Variants in ACTN4 observed in about 807,000 individuals in gnomAD.
ACTN4 encodes the protein alpha-actinin-4.
Under a neutral mutation model 114.2 loss-of-function variants are expected in ACTN4, and 18 were observed. The ratio of observed to expected loss-of-function variants is 0.16; its 90% CI spans 0.11 to 0.23. The LOEUF (loss-of-function observed/expected upper bound fraction) is 0.23, where lower values mean the gene tolerates loss of function less well. Among genes scored for constraint, ACTN4 ranks in the 10% least tolerant of loss-of-function variants. The pLI, the probability that ACTN4 is intolerant of heterozygous loss-of-function variation, is 1.00. For missense variants in ACTN4, 722 were observed against 1,262.9 expected, an observed-to-expected ratio of 0.57 and a Z score of 6.49; for synonymous variants, 515 against 506.3, an observed-to-expected ratio of 1.02 and a Z score of -0.23.
intron 1 of ACTN4, among the ~76,000 whole-genome samples, chr19:38,665,662 C>G (rs2144863563): frequency 6.6e-6 from 1 of 152,242 alleles, no homozygotes; most frequent in East Asian, 1.9e-4. Context: ...TTAACGCAGC[C>G]CTCTCCCCAG....
chr19:38,729,247 C>G (rs1246805070), intron 20 of ACTN4, 27 bp from the exon 21 acceptor site: 2 of 1,612,298 alleles, frequency 1.2e-6, no homozygotes, highest in African/African-American at 2.7e-5. Context: ...GTGGGGATGG[C>G]TCAGAGTCCC....
At chr19:38,725,691 G>A (rs535525560) in intron 16 of ACTN4, 33 bp from the exon 17 acceptor site, 1 of 1,608,346 alleles carries the variant, frequency 6.2e-7, no homozygotes, top group African/African-American at 1.3e-5. Context: ...AGGCCCACCA[G>A]CCTCACCCCA....
Position 38,688,390 on chromosome 19 carries a change from C to CAAAAA in ACTN4, c.163-12193_163-12189dup, listed in dbSNP as rs35793948. Among the ~76,000 whole-genome samples the CAAAAA allele has an allele frequency of 1.3e-3, 109 of 81,064 alleles. No individual in the cohort carries two copies. In the East Asian group the frequency reaches 0.018, roughly 13 times the overall value. 53.2% of individuals were successfully genotyped at this position (81,064 alleles called of 152,430 possible). ...ATGGTGAATGAAACCTTGTCTCTACCAAAAAAAAAAAAAAAAAAAAACCCA... is the reference window on the plus strand; with the variant it reads ...ATGGTGAATGAAACCTTGTCTCTACCAAAAAAAAAAAAAAAAAAAAAAAAAACCCA... On this transcript the variant is annotated intron_variant, in intron 1 of 20. Coordinates refer to ENST00000252699, the MANE Select transcript of ACTN4 (RefSeq NM_004924.6).
intron 1 of ACTN4, among the ~76,000 whole-genome samples, chr19:38,687,524 G>C (rs2070671092): frequency 6.6e-6 from 1 of 152,144 alleles, no homozygotes. Context: ...CCATTCAATG[G>C]GGGAAAGAAT....
chr19:38,682,864 G>A (rs926976779), intron 1 of ACTN4, among the ~76,000 whole-genome samples: 12 of 152,264 alleles, frequency 7.9e-5, no homozygotes, highest in Middle Eastern at 3.4e-3. Flanking sequence ...AGCCTCAAAT[G>A]TCATCTCCAC....
intron 1 of ACTN4, among the ~76,000 whole-genome samples, chr19:38,696,639 G>A (rs1968103241): frequency 6.6e-6 from 1 of 152,238 alleles, no homozygotes; most frequent in African/African-American, 2.4e-5. Context: ...CCTTGTGAGT[G>A]CAGGCTCTCC....
At chr19:38,721,812 C>G (rs1213133159) in intron 12 of ACTN4, 124 bp downstream of exon 12, 1 of 1,389,024 alleles carries the variant, frequency 7.2e-7, no homozygotes, top group East Asian at 2.5e-5. Flanking sequence ...AGTGCCCCAA[C>G]TGCACCTCCT....
rs748540244 is a variant in ACTN4 at position 38,717,473 on chromosome 19, T to C, written c.1143+157T>C. On this transcript the variant is annotated intron_variant, in intron 10 of 20. Transcript: ENST00000252699. This position sits in a 1 kb window ranked among gnomAD's most constrained non-coding sequence, Gnocchi z 4.0. ...ATGCAGTGGTCGGGGAGGGGTGCACTTCACTCGGCATTGTGCTCCCCTTTG... is the reference window on the plus strand; with the variant it reads ...ATGCAGTGGTCGGGGAGGGGTGCACCTCACTCGGCATTGTGCTCCCCTTTG... Among the ~76,000 whole-genome samples, 3 of 152,152 alleles carry C rather than the reference T, an allele frequency of 2.0e-5. No homozygotes were observed. Among genetic ancestry groups the C allele is most frequent in the Non-Finnish European group, 4.4e-5 (3 of 68,016 alleles).
chr19:38,704,858 C>T (rs1968403193), intron 3 of ACTN4, 76 bp from the exon 4 acceptor site: 5 of 1,389,888 alleles, frequency 3.6e-6, no homozygotes, highest in Non-Finnish European at 4.1e-6. Flanking sequence ...GCTGGAAGGC[C>T]ACCTTCAGGT....
intron 1 of ACTN4, among the ~76,000 whole-genome samples, chr19:38,691,590 G>T (rs946356781): frequency 6.6e-6 from 1 of 151,576 alleles, no homozygotes; most frequent in Non-Finnish European, 1.5e-5. Context: ...TTTCTCATGA[G>T]GAGGAGACAG....
chr19:38,709,936 T>C (rs1273931284), intron 7 of ACTN4, among the ~76,000 whole-genome samples: 1 of 152,166 alleles, frequency 6.6e-6, no homozygotes. Flanking sequence ...ACTGCCCCAT[T>C]TCCTAGCCAT....
intron 1 of ACTN4, among the ~76,000 whole-genome samples, chr19:38,661,907 T>C (rs201561098): frequency 6.6e-6 from 1 of 152,120 alleles, no homozygotes; most frequent in East Asian, 1.9e-4. Context: ...CCGCCTCGGC[T>C]TCCCAAAGTG....
At chr19:38,705,163 T>C (rs912760856) in intron 4 of ACTN4, 143 bp downstream of exon 4, 1 of 806,354 alleles carries the variant, frequency 1.2e-6, no homozygotes, top group Non-Finnish European at 2.1e-6. Context: ...GGGTAGTCAG[T>C]GGGTGGCAGG....
chr19:38,706,385 G>A (rs1054585756), intron 5 of ACTN4, among the ~76,000 whole-genome samples: 1 of 152,132 alleles, frequency 6.6e-6, no homozygotes, highest in Non-Finnish European at 1.5e-5. Flanking sequence ...AACGTTCTTC[G>A]TCCCCAGGCA....
chr19:38,658,338 G>T (rs1431318284), intron 1 of ACTN4, among the ~76,000 whole-genome samples: 1 of 152,114 alleles, frequency 6.6e-6, no homozygotes, highest in African/African-American at 2.4e-5. Flanking sequence ...GACAAAATAT[G>T]CCTGTATCTT....
intron 1 of ACTN4, among the ~76,000 whole-genome samples, chr19:38,688,413 C>G (rs1320675551): frequency 1.0e-5 from 1 of 100,004 alleles, no homozygotes; most frequent in Non-Finnish European, 2.4e-5. Context: ...AAAAAAAAAC[C>G]CACAAAAATT....
At position 38,647,883 on chromosome 19, in the gene ACTN4, G is replaced by T; in HGVS notation, c.138G>T (p.Pro46=). 2.0e-6 allele frequency: 3 copies of T among 1,524,434 alleles called. No homozygotes were observed. The highest frequency in any genetic ancestry group is 1.2e-5 in the South Asian group (1 of 81,654). The allele number at this position is 1,524,434 out of a possible 1,614,324, so 94.4% of individuals were successfully genotyped here. ...GGGACCGGGACCTGCTGCTGGACCC[G>T]GCCTGGGAGAAGCAGCAGCGCAAGG... The part of the protein sequence containing the change: ...DDWDRDLLLD[P]AWEKQQRKTF... Residue 46 remains proline, a synonymous_variant, in exon 1 of 21, where the codon CCG becomes CCT. Transcript: ENST00000252699.
Position 38,708,134 on chromosome 19 carries a change from C to T in ACTN4, c.590C>T (p.Ala197Val). The T allele has an allele frequency of 1.9e-6, 3 of 1,614,188 alleles. No individual in the cohort carries two copies. The highest frequency in any genetic ancestry group is 3.3e-5 in the Admixed American group (2 of 60,022). Residue 197 changes from alanine to valine, a missense_variant, in exon 6 of 21, where the codon GCC becomes GTC. Transcript: ENST00000252699. ...TTCCCCAGCTGGAAGGATGGTCTTG[C>T]CTTCAATGCCCTGATCCACCGGCAC... ...NFHISWKDGLAFNALIHRHRP... is the reference protein window; with the variant it reads ...NFHISWKDGLVFNALIHRHRP...
At chr19:38,660,680 G>A (rs1976858772) in intron 1 of ACTN4, among the ~76,000 whole-genome samples, 1 of 152,216 alleles carries the variant, frequency 6.6e-6, no homozygotes, top group East Asian at 1.9e-4. Flanking sequence ...ACAGGCGCGA[G>A]CCACCATGCC....
Sources: gnomAD v4.1 joint callset for allele counts (sites outside exome capture counted in the v4.1 genomes callset) on GRCh38, gnomAD v4.1.1 for gene constraint, Gnocchi (gnomAD v3.1) non-coding constraint, MANE v1.5 for transcripts, NCBI Gene and HGNC (gene_info 2026-07-23, HGNC 2026-07-21) for gene names.